Variants in ST6GALNAC5 observed in about 807,000 individuals in gnomAD.
ST6GALNAC5 encodes ST6 N-acetylgalactosaminide alpha-2,6-sialyltransferase 5.
In ST6GALNAC5, 27 loss-of-function variants were observed where a neutral mutation model predicts 33.6. That is an observed-to-expected ratio of 0.80 (90% CI 0.59 to 1.11). ST6GALNAC5 has a LOEUF of 1.11. Among genes scored for constraint, ST6GALNAC5 ranks in the 50% least tolerant of loss-of-function variants. ST6GALNAC5 has a pLI of 0.00. For synonymous variants in ST6GALNAC5, 194 were observed against 171.2 expected, an observed-to-expected ratio of 1.13 and a Z score of -1.04; for missense variants, 428 against 454.0, an observed-to-expected ratio of 0.94 and a Z score of 0.52.
intron 2 of ST6GALNAC5, among the ~76,000 whole-genome samples, chr1:76,962,460 C>T (rs943445982): frequency 3.9e-5 from 6 of 152,168 alleles, no homozygotes; most frequent in Non-Finnish European, 8.8e-5. Flanking sequence ...GATAATGTCA[C>T]CTGCTTTCAT....
At chr1:77,048,628 G>A (rs538815621) in intron 3 of ST6GALNAC5, among the ~76,000 whole-genome samples, 2 of 152,120 alleles carry the variant, frequency 1.3e-5, no homozygotes, top group African/African-American at 4.8e-5. Context: ...ACTACTGATG[G>A]CAGTCCCTAC....
intron 2 of ST6GALNAC5, among the ~76,000 whole-genome samples, chr1:76,934,196 CT>C (rs1409896465): frequency 1.3e-5 from 2 of 151,964 alleles, no homozygotes; most frequent in Non-Finnish European, 2.9e-5. Context: ...ACTCCGGTAG[CT>C]TTTTTCAACT....
chr1:76,996,704 T>A (rs1300336332), intron 2 of ST6GALNAC5, among the ~76,000 whole-genome samples: 1 of 152,188 alleles, frequency 6.6e-6, no homozygotes, highest in Non-Finnish European at 1.5e-5. Context: ...TTTCAGTATG[T>A]ACAGTTGGAA....
chr1:76,875,089 A>G (rs1230550863), intron 2 of ST6GALNAC5, among the ~76,000 whole-genome samples: 1 of 152,264 alleles, frequency 6.6e-6, no homozygotes, highest in Non-Finnish European at 1.5e-5. Context: ...AAGTGTATAC[A>G]TGCACAAACG....
At chr1:77,020,681 C>T (rs1651018647) in intron 2 of ST6GALNAC5, among the ~76,000 whole-genome samples, 1 of 152,130 alleles carries the variant, frequency 6.6e-6, no homozygotes, top group Non-Finnish European at 1.5e-5. Context: ...GATTACAGGC[C>T]TGAGCCACTG....
chr1:76,998,324 A>G (rs929292071), intron 2 of ST6GALNAC5, among the ~76,000 whole-genome samples: 15 of 152,086 alleles, frequency 9.9e-5, no homozygotes, highest in African/African-American at 3.6e-4. Context: ...TGAGCCCAGA[A>G]GTTTGAGGTT....
At chr1:76,972,750 C>A (rs898787802) in intron 2 of ST6GALNAC5, among the ~76,000 whole-genome samples, 4 of 152,056 alleles carry the variant, frequency 2.6e-5, no homozygotes, top group African/African-American at 9.7e-5. Context: ...ATGTCACTTG[C>A]CCTCCATATG....
chr1:76,986,661 G>C lies in ST6GALNAC5; in HGVS notation c.262-57543G>C, dbSNP rs199889337. On this transcript the variant is annotated intron_variant, in intron 2 of 4. Transcript: ENST00000477717. Reference sequence around the variant, plus strand: ...ATTTGACCCAGCAATCCCATTACTGGGTATATACCCAAAGGATTATAAATC... The same window carrying C: ...ATTTGACCCAGCAATCCCATTACTGCGTATATACCCAAAGGATTATAAATC... Among the ~76,000 whole-genome samples, 11 of 152,026 alleles carry C rather than the reference G, an allele frequency of 7.2e-5. No individual in the cohort carries two copies. The East Asian group carries it at 2.1e-3, about 29-fold the overall frequency.
chr1:76,904,622 C>T (rs1217408907), intron 2 of ST6GALNAC5, among the ~76,000 whole-genome samples: 4 of 151,994 alleles, frequency 2.6e-5, no homozygotes, highest in African/African-American at 7.2e-5. Flanking sequence ...GTCAGGAGTT[C>T]GAGACCAGCC....
chr1:77,023,033 A>C (rs1241709903), intron 2 of ST6GALNAC5, among the ~76,000 whole-genome samples: 1 of 152,204 alleles, frequency 6.6e-6, no homozygotes, highest in East Asian at 1.9e-4. Context: ...GCCCTAATTC[A>C]ATATGACTGG....
At chr1:76,937,273 T>C (rs905165661) in intron 2 of ST6GALNAC5, among the ~76,000 whole-genome samples, 1 of 151,958 alleles carries the variant, frequency 6.6e-6, no homozygotes, top group African/African-American at 2.4e-5. Context: ...ACATACATCT[T>C]TTCTCAAAGA....
intron 2 of ST6GALNAC5, among the ~76,000 whole-genome samples, chr1:77,033,610 C>T (rs1052013689): frequency 1.3e-5 from 2 of 151,856 alleles, no homozygotes; most frequent in African/African-American, 2.4e-5. Flanking sequence ...GGGGTAACAT[C>T]GTTGTTATAG....
chr1:77,016,107 A>G (rs1570099600), intron 2 of ST6GALNAC5, among the ~76,000 whole-genome samples: 2 of 109,476 alleles, frequency 1.8e-5, no homozygotes, highest in East Asian at 2.7e-4. Context: ...ATGCTCCTGT[A>G]TCTCCTCCCT....
chr1:76,870,201 G>A (rs764460216), intron 2 of ST6GALNAC5, among the ~76,000 whole-genome samples: 1 of 152,168 alleles, frequency 6.6e-6, no homozygotes. Flanking sequence ...TACATGCTTT[G>A]TATCTGCATG....
chr1:77,028,693 G>A (rs1350615691), intron 2 of ST6GALNAC5, among the ~76,000 whole-genome samples: 1 of 152,168 alleles, frequency 6.6e-6, no homozygotes. Context: ...TGGAGGAGGT[G>A]GAAGCTCCTC....
chr1:77,050,051 G>C (rs760801124), intron 3 of ST6GALNAC5, among the ~76,000 whole-genome samples: 1 of 152,194 alleles, frequency 6.6e-6, no homozygotes, highest in Non-Finnish European at 1.5e-5. Flanking sequence ...TTCAGCATGA[G>C]CATTAACATC....
chr1:76,958,307 T>A (rs544286074), intron 2 of ST6GALNAC5, among the ~76,000 whole-genome samples: 1 of 152,358 alleles, frequency 6.6e-6, no homozygotes, highest in Admixed American at 6.5e-5. Context: ...TTAGAAAATA[T>A]CTGTAAGTGC....
intron 2 of ST6GALNAC5, among the ~76,000 whole-genome samples, chr1:76,961,527 G>A (rs1056274605): frequency 2.6e-5 from 4 of 152,164 alleles, no homozygotes; most frequent in Non-Finnish European, 5.9e-5. Context: ...ATCTGCCCAT[G>A]CCGCCTTCTC....
intron 2 of ST6GALNAC5, among the ~76,000 whole-genome samples, chr1:76,989,105 T>C (rs1465469634): frequency 6.6e-6 from 1 of 152,090 alleles, no homozygotes; most frequent in African/African-American, 2.4e-5. Context: ...AAAGGATTCT[T>C]TATCTTTGAA....
Sources: allele counts gnomAD v4.1 joint callset (sites outside exome capture counted in the v4.1 genomes callset), GRCh38; gene constraint gnomAD v4.1.1; transcripts MANE v1.5; gene names NCBI Gene and HGNC (gene_info 2026-07-23, HGNC 2026-07-21).